Variants in NALF1 observed in about 807,000 individuals in gnomAD.
NALF1 encodes the protein family with sequence similarity 155 member A.
A neutral mutation model predicts 48.4 loss-of-function variants in NALF1; 3 were observed. The observed-to-expected ratio is 0.06, with a 90% CI of 0.03 to 0.16. The LOEUF (loss-of-function observed/expected upper bound fraction) is 0.16. NALF1 is among the 10% of genes least tolerant of loss of function. The probability of loss-of-function intolerance (pLI) is 1.00; values close to 1 mark genes in which losing one functional copy is unlikely to be tolerated. For synonymous variants in NALF1, 262 were observed against 245.7 expected (o/e 1.07, Z -0.62); for missense variants, 526 against 571.5 (o/e 0.92, Z 0.81).
chr13:107,576,228 T>C (rs900599672), intron 1 of NALF1, among the ~76,000 whole-genome samples: 2 of 152,198 alleles, frequency 1.3e-5, no homozygotes, highest in Non-Finnish European at 2.9e-5. Context: ...TCATTGCAGA[T>C]AATGATTGGC....
intron 1 of NALF1, among the ~76,000 whole-genome samples, chr13:107,623,685 G>T (rs1027436921): frequency 2.6e-5 from 4 of 152,134 alleles, no homozygotes; most frequent in African/African-American, 9.6e-5. Context: ...AAGTGAGGTG[G>T]GATTGGCCTT....
chr13:107,216,551 G>C (rs944197723), intron 1 of NALF1, among the ~76,000 whole-genome samples: 9 of 152,114 alleles, frequency 5.9e-5, no homozygotes. Flanking sequence ...TGCCTTCTAG[G>C]GCTTTGTCTT....
At chr13:107,853,124 A>G (rs1468527838) in intron 1 of NALF1, among the ~76,000 whole-genome samples, 1 of 152,214 alleles carries the variant, frequency 6.6e-6, no homozygotes, top group African/African-American at 2.4e-5. Flanking sequence ...GAAATTGTTG[A>G]GTGCTGTATA....
At chr13:107,672,223 T>C (rs1281951354) in intron 1 of NALF1, among the ~76,000 whole-genome samples, 1 of 152,222 alleles carries the variant, frequency 6.6e-6, no homozygotes. Flanking sequence ...CATAAAGGTG[T>C]CATGAGACTT....
chr13:107,610,518 A>C (rs1469175479), intron 1 of NALF1, among the ~76,000 whole-genome samples: 1 of 152,234 alleles, frequency 6.6e-6, no homozygotes, highest in Admixed American at 6.5e-5. Flanking sequence ...TGAAACCATG[A>C]AATATGTTGT....
intron 1 of NALF1, among the ~76,000 whole-genome samples, chr13:107,455,265 G>A (rs943421982): frequency 2.0e-5 from 3 of 152,064 alleles, no homozygotes; most frequent in Non-Finnish European, 2.9e-5. Flanking sequence ...CTAGTCTCTG[G>A]TGGTTTTCTT....
At chr13:107,423,850 A>G (rs943680551) in intron 1 of NALF1, among the ~76,000 whole-genome samples, 1 of 152,210 alleles carries the variant, frequency 6.6e-6, no homozygotes, top group African/African-American at 2.4e-5. Context: ...ATGATCATGT[A>G]TATCTTCCAA....
chr13:107,279,510 C>T lies in NALF1; in HGVS notation c.916-68755G>A, dbSNP rs1881346924. Among the ~76,000 whole-genome samples the T allele has an allele frequency of 2.6e-5, 4 of 152,280 alleles. No individual in the cohort carries two copies. In the South Asian group the frequency reaches 8.3e-4, roughly 32 times the overall value. ...ACCTCAGATGATCTGCTCGCCTCAG[C>T]CTCCCAAAGTGCTGGGATTACAGGC... On this transcript the variant is annotated intron_variant, in intron 1 of 2. Transcript: ENST00000375915.
intron 1 of NALF1, among the ~76,000 whole-genome samples, chr13:107,826,841 CGA>C (rs1376635409): frequency 6.6e-6 from 1 of 152,150 alleles, no homozygotes; most frequent in East Asian, 1.9e-4. Context: ...CTCATTGGAA[CGA>C]GAGGCATCAT....
intron 1 of NALF1, among the ~76,000 whole-genome samples, chr13:107,248,542 A>G (rs879870195): frequency 6.7e-6 from 1 of 149,636 alleles, no homozygotes; most frequent in Non-Finnish European, 1.5e-5. Flanking sequence ...AGTTAATAGC[A>G]ATTTTTTTCT....
intron 1 of NALF1, among the ~76,000 whole-genome samples, chr13:107,495,944 G>A (rs1875320255): frequency 6.6e-6 from 1 of 152,172 alleles, no homozygotes; most frequent in Non-Finnish European, 1.5e-5. Context: ...TGAGAGGGAT[G>A]AACTGTCTAC....
At chr13:107,501,302 C>G (rs1875513804) in intron 1 of NALF1, among the ~76,000 whole-genome samples, 2 of 152,082 alleles carry the variant, frequency 1.3e-5, no homozygotes, top group Admixed American at 1.3e-4. Flanking sequence ...CCTCCAACAC[C>G]ACAGCGTGGG....
At chr13:107,673,945 C>T (rs1168490488) in intron 1 of NALF1, among the ~76,000 whole-genome samples, 2 of 152,066 alleles carry the variant, frequency 1.3e-5, no homozygotes, top group African/African-American at 2.4e-5. Context: ...GTGTTCTCCC[C>T]ACACCAAGGG....
intron 1 of NALF1, among the ~76,000 whole-genome samples, chr13:107,638,953 G>A (rs12585938): frequency 0.31 from 47,573 of 151,924 alleles, 7,671 homozygotes; most frequent in East Asian, 0.48. Context: ...GATGGCTGAC[G>A]TCTGGCTTCC....
chr13:107,259,447 T>C (rs908772133), intron 1 of NALF1, among the ~76,000 whole-genome samples: 4 of 152,138 alleles, frequency 2.6e-5, no homozygotes, highest in Admixed American at 2.6e-4. Flanking sequence ...TCTGGGGTCT[T>C]GCAGATTTGT....
intron 1 of NALF1, among the ~76,000 whole-genome samples, chr13:107,477,359 T>C (rs1197775723): frequency 6.6e-6 from 1 of 152,156 alleles, no homozygotes; most frequent in African/African-American, 2.4e-5. Context: ...CAAATGTTTA[T>C]TTATCAATAT....
chr13:107,505,929 C>G (rs1026287761), intron 1 of NALF1, among the ~76,000 whole-genome samples: 6 of 151,974 alleles, frequency 3.9e-5, no homozygotes, highest in Non-Finnish European at 8.8e-5. Context: ...AGTGGTTTGC[C>G]TCGTGACAGA....
rs556887806 is a variant in NALF1 at position 107,729,083 on chromosome 13, C to A, written c.915+136599G>T. On this transcript the variant is annotated intron_variant, in intron 1 of 2. Coordinates refer to ENST00000375915, the MANE Select transcript of NALF1 (RefSeq NM_001080396.3). Reference sequence around the variant, plus strand: ...AGGAGAAAATATTCACTCTATGGACCACCAACTACACACTGAATTTGATCA... The same window carrying A: ...AGGAGAAAATATTCACTCTATGGACAACCAACTACACACTGAATTTGATCA... Among the ~76,000 whole-genome samples the A allele has an allele frequency of 2.0e-5, 3 of 152,232 alleles. No individual in the cohort carries two copies. The South Asian group carries it at 6.2e-4, about 32-fold the overall frequency.
intron 1 of NALF1, among the ~76,000 whole-genome samples, chr13:107,345,678 A>C (rs1241214567): frequency 6.6e-6 from 1 of 152,272 alleles, no homozygotes; most frequent in Non-Finnish European, 1.5e-5. Context: ...TGAAACTATA[A>C]AACTCTTAGA....
Sources: gnomAD v4.1 joint callset for allele counts (sites outside exome capture counted in the v4.1 genomes callset) on GRCh38, gnomAD v4.1.1 for gene constraint, MANE v1.5 for transcripts, NCBI Gene and HGNC (gene_info 2026-07-23, HGNC 2026-07-21) for gene names.